Variants in UGGT2 observed in about 807,000 individuals in gnomAD.
UGGT2 encodes UDP-glucose:glycoprotein glucosyltransferase 2.
Under a neutral mutation model 192.1 loss-of-function variants are expected in UGGT2, and 180 were observed. That is an observed-to-expected ratio of 0.94 (90% CI 0.83 to 1.06). The LOEUF is 1.06. UGGT2 is among the 50% of genes least tolerant of loss of function. The pLI is 0.00. For missense variants in UGGT2, 1,849 were observed against 1,795.7 expected, an observed-to-expected ratio of 1.03 and a Z score of -0.54; for synonymous variants, 580 against 591.0, an observed-to-expected ratio of 0.98 and a Z score of 0.27.
At position 95,983,840 on chromosome 13, in the gene UGGT2, AT is replaced by A; in HGVS notation, c.1055del (p.Asn352IlefsTer4). Reference sequence around the variant, plus strand: ...CCTTTATTTCTTCTCTCATATGTTGATTTACAGCAATTCTGGTTAGAGATCT... The same window carrying A: ...CCTTTATTTCTTCTCTCATATGTTGATTACAGCAATTCTGGTTAGAGATCT... ...KARSLTRIAVNQHMREEIKEN... is the reference protein window; with the variant it reads ...KARSLTRIAVXQHMREEIKEN... On this transcript the variant is annotated frameshift_variant, in exon 10 of 39. Transcript: ENST00000376747. LOFTEE classifies it high-confidence loss of function. 1 of 1,568,634 alleles carries A rather than the reference AT, an allele frequency of 6.4e-7. No individual in the cohort carries two copies. The highest frequency in any genetic ancestry group is 1.9e-5 in the Admixed American group (1 of 51,738).
At chr13:95,821,383 CTTCTT>C in intron 38 of UGGT2, among the ~76,000 whole-genome samples, 1 of 152,202 alleles carries the variant, frequency 6.6e-6, no homozygotes, top group Admixed American at 6.5e-5. Flanking sequence ...ATTTGTGCGT[CTTCTT>C]TTGACAAATT....
intron 12 of UGGT2, among the ~76,000 whole-genome samples, chr13:95,953,697 G>T (rs1205803379): frequency 6.6e-6 from 1 of 151,758 alleles, no homozygotes; most frequent in Non-Finnish European, 1.5e-5. Flanking sequence ...CACATCTAAT[G>T]CCCAGATTTT....
intron 4 of UGGT2, among the ~76,000 whole-genome samples, chr13:96,019,125 G>GGGC (rs2052435422): frequency 4.2e-5 from 1 of 23,818 alleles, no homozygotes; most frequent in African/African-American, 1.4e-4. Context: ...TACATAGCGG[G>GGGC]GGGGGGGGGG....
At chr13:95,826,956 T>C (rs973451359) in intron 38 of UGGT2, among the ~76,000 whole-genome samples, 2 of 152,132 alleles carry the variant, frequency 1.3e-5, no homozygotes, top group Non-Finnish European at 2.9e-5. Context: ...TATAAGTCCT[T>C]AATAATTAAA....
intron 10 of UGGT2, among the ~76,000 whole-genome samples, chr13:95,976,345 T>C (rs1005306966): frequency 4.6e-5 from 7 of 152,202 alleles, no homozygotes; most frequent in Non-Finnish European, 8.8e-5. Context: ...CTTGAATCCA[T>C]ATTTTAGCTA....
intron 8 of UGGT2, among the ~76,000 whole-genome samples, chr13:95,987,606 T>C (rs1424337689): frequency 3.9e-5 from 6 of 152,164 alleles, no homozygotes; most frequent in African/African-American, 1.4e-4. Flanking sequence ...TCTGAAATTA[T>C]GGATTTAGGA....
intron 2 of UGGT2, among the ~76,000 whole-genome samples, chr13:96,025,789 GA>G (rs2052645908): frequency 6.6e-6 from 1 of 152,020 alleles, no homozygotes; most frequent in African/African-American, 2.4e-5. Context: ...GAAGTTTCCT[GA>G]AAGAATACAA....
chr13:95,955,521 G>C (rs767080716), intron 12 of UGGT2, among the ~76,000 whole-genome samples: 7 of 152,132 alleles, frequency 4.6e-5, no homozygotes, highest in Non-Finnish European at 8.8e-5. Flanking sequence ...ATACTTCTGA[G>C]TATACGAAAT....
intron 29 of UGGT2, among the ~76,000 whole-genome samples, chr13:95,868,412 A>G (rs1465047472): frequency 6.6e-6 from 1 of 151,954 alleles, no homozygotes; most frequent in Non-Finnish European, 1.5e-5. Context: ...CCTGGGCAAC[A>G]GTGAGACCTC....
intron 12 of UGGT2, among the ~76,000 whole-genome samples, chr13:95,958,571 G>A (rs1371458530): frequency 2.0e-5 from 3 of 150,712 alleles, no homozygotes; most frequent in African/African-American, 7.3e-5. Flanking sequence ...AAAAATTTCA[G>A]AGAGGATTTT....
At chr13:95,974,270 A>G (rs1215124114) in intron 10 of UGGT2, among the ~76,000 whole-genome samples, 1 of 152,220 alleles carries the variant, frequency 6.6e-6, no homozygotes, top group Non-Finnish European at 1.5e-5. Flanking sequence ...AAGTTAATTA[A>G]GAAATCCATA....
intron 20 of UGGT2, among the ~76,000 whole-genome samples, chr13:95,916,451 A>G (rs2048684429): frequency 6.6e-6 from 1 of 152,228 alleles, no homozygotes; most frequent in Non-Finnish European, 1.5e-5. Context: ...AGAAAAAATC[A>G]AAGCAAAAAT....
intron 20 of UGGT2, among the ~76,000 whole-genome samples, chr13:95,924,192 A>C (rs1488890463): frequency 6.6e-6 from 1 of 152,090 alleles, no homozygotes; most frequent in African/African-American, 2.4e-5. Flanking sequence ...ATAAGGAATA[A>C]ACAATTATTA....
intron 22 of UGGT2, among the ~76,000 whole-genome samples, chr13:95,898,004 C>T (rs9561974): frequency 0.39 from 58,630 of 151,808 alleles, 11,500 homozygotes; most frequent in Middle Eastern, 0.41. Flanking sequence ...AGTAACTCCA[C>T]TCTGCCAGTA....
chr13:95,841,539 T>A (rs2139948110), intron 36 of UGGT2, among the ~76,000 whole-genome samples: 1 of 152,302 alleles, frequency 6.6e-6, no homozygotes, highest in African/African-American at 2.4e-5. Flanking sequence ...GGGTGACAGA[T>A]GTAGCAGCCA....
chr13:95,834,695 TCTC>T (rs1037048607), intron 37 of UGGT2, among the ~76,000 whole-genome samples: 11 of 152,100 alleles, frequency 7.2e-5, no homozygotes, highest in Non-Finnish European at 1.3e-4. Flanking sequence ...TTGTGCCACT[TCTC>T]CTTTTCCTGG....
intron 20 of UGGT2, among the ~76,000 whole-genome samples, chr13:95,917,129 T>C (rs779698181): frequency 2.6e-5 from 4 of 151,820 alleles, no homozygotes; most frequent in Admixed American, 6.6e-5. Context: ...AAAGAAGAAA[T>C]GTTAGGGGGC....
At chr13:96,009,146 A>G (rs1404251198) in intron 5 of UGGT2, among the ~76,000 whole-genome samples, 1 of 152,212 alleles carries the variant, frequency 6.6e-6, no homozygotes, top group Non-Finnish European at 1.5e-5. Context: ...CATATGCAGA[A>G]GACTGAAACT....
intron 4 of UGGT2, among the ~76,000 whole-genome samples, chr13:96,021,900 C>A (rs1195613406): frequency 6.6e-6 from 1 of 152,026 alleles, no homozygotes; most frequent in East Asian, 1.9e-4. Context: ...TTAACCAATA[C>A]TTTTAACATA....
Sources: gnomAD v4.1 joint callset for allele counts (sites outside exome capture counted in the v4.1 genomes callset) on GRCh38, gnomAD v4.1.1 for gene constraint, MANE v1.5 for transcripts, NCBI Gene and HGNC (gene_info 2026-07-23, HGNC 2026-07-21) for gene names.